IFIT1: variants seen among roughly 807,000 people sequenced by gnomAD.
IFIT1 encodes interferon induced protein with tetratricopeptide repeats 1.
In IFIT1, 1 loss-of-function variant was observed where a neutral mutation model predicts 2.5. That is an observed-to-expected ratio of 0.40 (90% CI 0.14 to 1.92). IFIT1 has a LOEUF of 1.92. IFIT1 is among the 40% of genes most tolerant of loss of function. IFIT1 has a pLI of 0.31. For synonymous variants in IFIT1, 191 were observed against 201.7 expected, an observed-to-expected ratio of 0.95 and a Z score of 0.45; for missense variants, 508 against 557.8, an observed-to-expected ratio of 0.91 and a Z score of 0.90.
intron 1 of IFIT1, chr10:89,393,362 G>A: frequency 8.8e-7 from 1 of 1,133,920 alleles, no homozygotes. Flanking sequence ...GACTGAAGAT[G>A]ATCCACATCT....
chr10:89,397,077 AT>A (rs1844354780), intron 1 of IFIT1, among the ~76,000 whole-genome samples: 1 of 152,206 alleles, frequency 6.6e-6, no homozygotes, highest in African/African-American at 2.4e-5. Context: ...CTTGATATAT[AT>A]GAAAGTCCAT....
intron 1 of IFIT1, chr10:89,393,315 C>T (rs1348770517): frequency 1.5e-5 from 19 of 1,286,286 alleles, no homozygotes; most frequent in Non-Finnish European, 1.8e-5. Flanking sequence ...AACAGATTGC[C>T]TCCTCCCTGG....
chr10:89,393,344 AC>A, intron 1 of IFIT1: 1 of 1,241,878 alleles, frequency 8.1e-7, no homozygotes, highest in Non-Finnish European at 1.0e-6. Context: ...GGCTCTTGGT[AC>A]GTCCTTGACT....
intron 1 of IFIT1, among the ~76,000 whole-genome samples, chr10:89,398,528 T>C (rs1844377552): frequency 6.6e-6 from 1 of 152,212 alleles, no homozygotes; most frequent in Non-Finnish European, 1.5e-5. Flanking sequence ...CCAGGGTCTG[T>C]GGGACAGACC....
rs193277639 is a variant in IFIT1 at position 89,393,550 on chromosome 10, T to C, written c.5+833T>C. 4.7e-4 allele frequency among the ~76,000 whole-genome samples: 72 copies of C among 152,312 alleles called. 1 individual carries two copies. The East Asian group carries it at 0.011, about 23-fold the overall frequency. ...GAGTTGGAGCCCATCCTGGCCAACATGGTGAAACCCCATCTCTACTAAAAA... is the reference window on the plus strand; with the variant it reads ...GAGTTGGAGCCCATCCTGGCCAACACGGTGAAACCCCATCTCTACTAAAAA... On this transcript the variant is annotated intron_variant, in intron 1 of 1. Coordinates refer to ENST00000371804, the MANE Select transcript of IFIT1 (RefSeq NM_001548.5).
chr10:89,404,021 A>G lies in IFIT1; in HGVS notation c.*309A>G. On this transcript the variant is annotated 3_prime_UTR_variant, in exon 2 of 2. Transcript: ENST00000371804. The stretch of plus-strand genomic sequence containing the variant: ...TTCATTCATTTTATTGTGAAATAAA[A>G]ATAAAATCCTTAGCTCCTCCACCAA... The G allele has an allele frequency of 4.6e-6, 1 of 217,394 alleles. No individual in the cohort carries two copies. Among genetic ancestry groups the G allele is most frequent in the South Asian group, 1.4e-4 (1 of 7,248 alleles). The allele number at this position is 217,394 out of a possible 1,614,324, so 13.5% of individuals were successfully genotyped here. A position where few individuals can be genotyped will look rare whatever the true frequency, so the allele number is the denominator to read the frequency against.
rs1363421847 is a variant in IFIT1, at chr10:89,403,833, TAATA to T, written c.*125_*128del. 1.1e-5 allele frequency: 7 copies of T among 625,532 alleles called. No individual in the cohort carries two copies. The highest frequency in any genetic ancestry group is 3.4e-5 in the Admixed American group (1 of 29,102). 38.7% of individuals were successfully genotyped at this position (625,532 alleles called of 1,614,324 possible). A position where few individuals can be genotyped will look rare whatever the true frequency, so the allele number is the denominator to read the frequency against. ...TCACTGTAATGATGTAATTCTTGAA[TAATA>T]AATCTGACAAAATATTAGTTGTGTT... On this transcript the variant is annotated 3_prime_UTR_variant, in exon 2 of 2. Transcript: ENST00000371804.
At chr10:89,394,938 C>G (rs1299048428) in intron 1 of IFIT1, among the ~76,000 whole-genome samples, 5 of 152,014 alleles carry the variant, frequency 3.3e-5, no homozygotes, top group African/African-American at 1.2e-4. Context: ...GAAACACATA[C>G]TATGTGGTTA....
At chr10:89,396,049 C>A (rs561877151) in intron 1 of IFIT1, among the ~76,000 whole-genome samples, 1 of 152,096 alleles carries the variant, frequency 6.6e-6, no homozygotes, top group Admixed American at 6.5e-5. Context: ...CATCTGTGTG[C>A]AAGTTTTTAT....
intron 1 of IFIT1, among the ~76,000 whole-genome samples, chr10:89,401,118 A>AC (rs1178809056): frequency 6.7e-6 from 1 of 148,268 alleles, no homozygotes; most frequent in African/African-American, 2.5e-5. Flanking sequence ...CATTTAGATG[A>AC]CTTTTTTTTT....
In IFIT1 at chr10:89,402,292, A is replaced by T. The variant is rs139476226; in HGVS notation, c.17A>T (p.Asp6Val). Residue 6 changes from aspartate to valine, a missense_variant, in exon 2 of 2, where the codon GAT becomes GTT. Coordinates refer to ENST00000371804, the MANE Select transcript of IFIT1 (RefSeq NM_001548.5). Reference sequence around the variant, plus strand: ...TTTTGTTTTTACAGTACAAATGGTGATGATCATCAGGTCAAGGATAGTCTG... The same window carrying T: ...TTTTGTTTTTACAGTACAAATGGTGTTGATCATCAGGTCAAGGATAGTCTG... MSTNG[D>V]DHQVKDSLEQ... 68 of 1,607,602 alleles carry T rather than the reference A, an allele frequency of 4.2e-5. No homozygotes were observed. In the African/African-American group the frequency reaches 8.3e-4, roughly 20 times the overall value.
In IFIT1 at chr10:89,402,808, G is replaced by A. The variant is rs1844454659; in HGVS notation, c.533G>A (p.Ser178Asn). Residue 178 changes from serine to asparagine, a missense_variant, in exon 2 of 2, where the codon AGC (serine) becomes AAC (asparagine). Physicochemically the swap from Ser to Asn is conservative, Grantham distance 46 (BLOSUM62 1). Coordinates refer to ENST00000371804, the MANE Select transcript of IFIT1 (RefSeq NM_001548.5). ...GTGGACCCTGAAAACCCTGAATCCAGCGCTGGGTATGCGATCTCTGCCTAT... is the reference window on the plus strand; with the variant it reads ...GTGGACCCTGAAAACCCTGAATCCAACGCTGGGTATGCGATCTCTGCCTAT... Reference protein sequence around the residue: ...LEVDPENPESSAGYAISAYRL... With the variant: ...LEVDPENPESNAGYAISAYRL... The A allele has an allele frequency of 6.2e-7, 1 of 1,614,098 alleles. No homozygotes were observed. Among genetic ancestry groups the A allele is most frequent in the South Asian group, 1.1e-5 (1 of 91,080 alleles).
intron 1 of IFIT1, among the ~76,000 whole-genome samples, chr10:89,395,302 G>A (rs1390733300): frequency 6.6e-6 from 1 of 151,608 alleles, no homozygotes; most frequent in Non-Finnish European, 1.5e-5. Flanking sequence ...CTCTCCACAG[G>A]AAACCCACCT....
rs571195246 is a variant in IFIT1, at chr10:89,403,566, C to T, written c.1291C>T (p.Arg431Trp). The change falls in exon 2 of 2, where the codon CGG becomes TGG. Residue 431 changes from arginine to tryptophan, a missense_variant. Arg to Trp is a moderately radical substitution (Grantham distance 101). Transcript: ENST00000371804. ...SLKKLVLRKL[R>W]RKALDLESLS... ...GAAGAAATTGGTTTTAAGGAAACTT[C>T]GGAGAAAGGCATTAGATCTGGAAAG... The T allele has an allele frequency of 1.7e-5, 28 of 1,613,952 alleles. No homozygotes were observed. The highest frequency in any genetic ancestry group is 2.2e-5 in the East Asian group (1 of 44,874).
intron 1 of IFIT1, among the ~76,000 whole-genome samples, chr10:89,396,373 G>A (rs756511185): frequency 1.3e-5 from 2 of 152,182 alleles, no homozygotes; most frequent in Non-Finnish European, 2.9e-5. Flanking sequence ...AAGAAGTATG[G>A]TGCTGGCATC....
chr10:89,393,150 A>G, intron 1 of IFIT1: 1 of 1,291,584 alleles, frequency 7.7e-7, no homozygotes, highest in South Asian at 1.2e-5. Context: ...AGAATGTGAA[A>G]GCCTCAGTCT....
In IFIT1 at chr10:89,402,715, G is replaced by T; in HGVS notation, c.440G>T (p.Trp147Leu). The stretch of plus-strand genomic sequence containing the variant: ...CCAGAAATAGACTGTGAGGAAGGAT[G>T]GGCCTTGCTGAAGTGTGGAGGAAAA... ...ECPEIDCEEGWALLKCGGKNY... is the reference protein window; with the variant it reads ...ECPEIDCEEGLALLKCGGKNY... The change falls in exon 2 of 2, where the codon TGG (tryptophan) becomes TTG (leucine). Residue 147 changes from tryptophan (W) to leucine (L), a missense_variant. Physicochemically the swap from Trp to Leu is moderately conservative, Grantham distance 61. Coordinates refer to ENST00000371804, the MANE Select transcript of IFIT1 (RefSeq NM_001548.5). 6.2e-7 allele frequency: 1 copy of T among 1,614,212 alleles called. No homozygotes were observed. The highest frequency in any genetic ancestry group is 8.5e-7 in the Non-Finnish European group (1 of 1,180,032).
chr10:89,403,515 A>G lies in IFIT1; in HGVS notation c.1240A>G (p.Thr414Ala), dbSNP rs370975704. 2 of 1,613,226 alleles carry G rather than the reference A, an allele frequency of 1.2e-6. No individual in the cohort carries two copies. Among genetic ancestry groups the G allele is most frequent in the Middle Eastern group, 1.6e-4 (1 of 6,080 alleles). ...KAIKIEQASL[T>A]RDKSINSLKK... is the part of the protein sequence containing the mutation. ...TATAAAAATAGAACAGGCATCATTA[A>G]CAAGGGATAAAAGTATCAATTCTTT... The change falls in exon 2 of 2, where the codon ACA becomes GCA. Residue 414 changes from threonine (T) to alanine (A), a missense_variant. Thr to Ala is a moderately conservative substitution (Grantham distance 58, BLOSUM62 0). Coordinates refer to ENST00000371804, the MANE Select transcript of IFIT1 (RefSeq NM_001548.5).
At chr10:89,400,308 C>CA (rs1215344043) in intron 1 of IFIT1, among the ~76,000 whole-genome samples, 1 of 152,066 alleles carries the variant, frequency 6.6e-6, no homozygotes, top group Admixed American at 6.5e-5. Context: ...TCTATTTCTG[C>CA]AAAAAATGTC....
Sources: allele counts gnomAD v4.1 joint callset (sites outside exome capture counted in the v4.1 genomes callset), GRCh38; gene constraint gnomAD v4.1.1; transcripts MANE v1.5; gene names NCBI Gene and HGNC (gene_info 2026-07-23, HGNC 2026-07-21).